PID1: variants seen among roughly 807,000 people sequenced by gnomAD.
PID1 encodes phosphotyrosine interaction domain containing 1, also known as PTB-containing, cubilin and LRP1-interacting protein.
PID1 carries 10 observed loss-of-function variants against 19.1 expected under a neutral mutation model. The ratio of observed to expected loss-of-function variants is 0.52; its 90% CI spans 0.32 to 0.89. PID1 has a LOEUF of 0.89. PID1 is among the 40% of genes least tolerant of loss of function. The pLI, the probability that PID1 is intolerant of heterozygous loss-of-function variation, is 0.03. For synonymous variants in PID1, 130 were observed against 116.0 expected (o/e 1.12, Z -0.78); for missense variants, 248 against 285.3 (o/e 0.87, Z 0.94).
intron 2 of PID1, among the ~76,000 whole-genome samples, chr2:229,058,537 T>C (rs1390228278): frequency 6.6e-6 from 1 of 152,196 alleles, no homozygotes; most frequent in Admixed American, 6.5e-5. Context: ...CTGGCATGCA[T>C]CATATATTCT....
intron 2 of PID1, among the ~76,000 whole-genome samples, chr2:229,119,370 C>T (rs754942919): frequency 6.6e-6 from 1 of 152,188 alleles, no homozygotes; most frequent in Non-Finnish European, 1.5e-5. Context: ...CTACCATACC[C>T]TTCATTTCTC....
chr2:229,122,631 A>C (rs1001597174), intron 2 of PID1, among the ~76,000 whole-genome samples: 2 of 152,224 alleles, frequency 1.3e-5, no homozygotes, highest in Admixed American at 6.5e-5. Flanking sequence ...GCAGGTAGCC[A>C]GCATTTGTGG....
Position 229,054,713 on chromosome 2 carries a change from TGTGTGTGGG to T in PID1, c.178-28614_178-28606del, listed in dbSNP as rs1435367807. 9.6e-3 allele frequency among the ~76,000 whole-genome samples: 415 copies of T among 43,426 alleles called. 11 individuals carry two copies. Among genetic ancestry groups the T allele is most frequent in the East Asian group, 0.03 (53 of 1,794 alleles). The allele number at this position is 43,426 out of a possible 152,430, so 28.5% of individuals were successfully genotyped here. On this transcript the variant is annotated intron_variant, in intron 2 of 2. Transcript: ENST00000392055. ...AAATGACAGTAATGCAGTGTGTGTG[TGTGTGTGGG>T]GGGGGGGGGGGGTCTGGTTTTACTC...
intron 2 of PID1, among the ~76,000 whole-genome samples, chr2:229,107,341 GACTT>G (rs2106144276): frequency 6.6e-6 from 1 of 152,190 alleles, no homozygotes; most frequent in Non-Finnish European, 1.5e-5. Flanking sequence ...CAGTGGGAAA[GACTT>G]CTTAATCTCC....
chr2:229,042,586 G>A (rs1377788925), intron 2 of PID1, among the ~76,000 whole-genome samples: 2 of 152,188 alleles, frequency 1.3e-5, no homozygotes, highest in Non-Finnish European at 2.9e-5. Flanking sequence ...GAGGGCTGAG[G>A]GAGGAGGAGG....
chr2:229,213,693 T>C (rs1691786333), intron 1 of PID1, among the ~76,000 whole-genome samples: 1 of 152,246 alleles, frequency 6.6e-6, no homozygotes, highest in African/African-American at 2.4e-5. Context: ...GTAAACATTA[T>C]ATCTTCCTTC....
intron 2 of PID1, among the ~76,000 whole-genome samples, chr2:229,119,748 T>C (rs1695480488): frequency 6.6e-6 from 1 of 152,202 alleles, no homozygotes; most frequent in Non-Finnish European, 1.5e-5. Context: ...TCTGGGGATG[T>C]GTGTGAAGTT....
chr2:229,093,652 C>T (rs1014130756), intron 2 of PID1, among the ~76,000 whole-genome samples: 3 of 151,788 alleles, frequency 2.0e-5, no homozygotes, highest in African/African-American at 7.3e-5. Context: ...ATATACAAGT[C>T]GATAAATGTG....
intron 1 of PID1, among the ~76,000 whole-genome samples, chr2:229,246,220 A>G (rs1459001436): frequency 6.6e-6 from 1 of 152,186 alleles, no homozygotes; most frequent in Non-Finnish European, 1.5e-5. Context: ...CCAGGGAGCC[A>G]ATACAGCCAG....
At chr2:229,055,957 A>T (rs1694089710) in intron 2 of PID1, among the ~76,000 whole-genome samples, 1 of 152,236 alleles carries the variant, frequency 6.6e-6, no homozygotes, top group Admixed American at 6.5e-5. Flanking sequence ...CCAAGTGGAC[A>T]CGGCTGACTG....
chr2:229,120,586 C>T (rs527257469), intron 2 of PID1, among the ~76,000 whole-genome samples: 2 of 149,446 alleles, frequency 1.3e-5, no homozygotes, highest in East Asian at 3.9e-4. Context: ...GTTCAAGGGT[C>T]AACTGTGTAT....
chr2:229,116,783 G>A (rs1695418631), intron 2 of PID1, among the ~76,000 whole-genome samples: 1 of 152,102 alleles, frequency 6.6e-6, no homozygotes, highest in African/African-American at 2.4e-5. Flanking sequence ...TATGAGAACA[G>A]ACTAATACAG....
intron 2 of PID1, among the ~76,000 whole-genome samples, chr2:229,042,539 T>A (rs1201165495): frequency 6.6e-6 from 1 of 152,180 alleles, no homozygotes; most frequent in Non-Finnish European, 1.5e-5. Context: ...CAAATTCTAC[T>A]CTGACCGTCC....
intron 1 of PID1, among the ~76,000 whole-genome samples, chr2:229,199,238 C>T (rs913407848): frequency 6.6e-6 from 1 of 152,048 alleles, no homozygotes; most frequent in Non-Finnish European, 1.5e-5. Context: ...TGAAACTGCC[C>T]CCAGCAAGTA....
intron 2 of PID1, among the ~76,000 whole-genome samples, chr2:229,069,640 T>A (rs1486714653): frequency 1.3e-5 from 2 of 152,128 alleles, no homozygotes; most frequent in Non-Finnish European, 2.9e-5. Context: ...AGGCTTCTGT[T>A]AGAGCAGCGG....
chr2:229,099,807 T>C (rs1695040397), intron 2 of PID1, among the ~76,000 whole-genome samples: 1 of 152,216 alleles, frequency 6.6e-6, no homozygotes, highest in South Asian at 2.1e-4. Flanking sequence ...TTTGAAAGAA[T>C]ATAATCATCC....
chr2:229,065,456 G>C (rs976760964), intron 2 of PID1, among the ~76,000 whole-genome samples: 3 of 152,066 alleles, frequency 2.0e-5, no homozygotes, highest in African/African-American at 4.8e-5. Context: ...AGTATTTGCT[G>C]TCATATGGAA....
chr2:229,263,674 T>C (rs1439221456), intron 1 of PID1, among the ~76,000 whole-genome samples: 1 of 152,214 alleles, frequency 6.6e-6, no homozygotes, highest in Non-Finnish European at 1.5e-5. Flanking sequence ...CTCTGGAGAA[T>C]TGTTACATCA....
intron 2 of PID1, among the ~76,000 whole-genome samples, chr2:229,095,349 T>C (rs1199765600): frequency 2.0e-5 from 3 of 152,220 alleles, no homozygotes; most frequent in Non-Finnish European, 2.9e-5. Flanking sequence ...GTTTATAGGT[T>C]GTGGTAGGTA....
Sources: gnomAD v4.1 joint callset for allele counts (sites outside exome capture counted in the v4.1 genomes callset) on GRCh38, gnomAD v4.1.1 for gene constraint, MANE v1.5 for transcripts, NCBI Gene and HGNC (gene_info 2026-07-23, HGNC 2026-07-21) for gene names.